The following SV2C variants were observed in gnomAD, a reference collection of about 807,000 sequenced individuals.
SV2C encodes synaptic vesicle glycoprotein 2C, also known as solute carrier family 22 member B3.
Under a neutral mutation model 79.7 loss-of-function variants are expected in SV2C, and 49 were observed. The ratio of observed to expected loss-of-function variants is 0.61; its 90% CI spans 0.49 to 0.78. The LOEUF is 0.78. Among genes scored for constraint, SV2C ranks in the 30% least tolerant of loss-of-function variants. The pLI is 0.00. For missense variants in SV2C, 833 were observed against 912.9 expected, an observed-to-expected ratio of 0.91 and a Z score of 1.13; for synonymous variants, 334 against 333.2, an observed-to-expected ratio of 1.00 and a Z score of -0.03.
intron 9 of SV2C, among the ~76,000 whole-genome samples, chr5:76,298,286 C>G (rs2112518460): frequency 6.6e-6 from 1 of 152,248 alleles, no homozygotes; most frequent in East Asian, 1.9e-4. Flanking sequence ...TTCTCATGCT[C>G]TCTCTTCAGG....
intron 12 of SV2C, among the ~76,000 whole-genome samples, chr5:76,309,735 TA>T (rs1208346119): frequency 6.6e-6 from 1 of 151,402 alleles, no homozygotes; most frequent in African/African-American, 2.4e-5. Flanking sequence ...GATTAGATGT[TA>T]GGGGGAAGAA....
At chr5:76,291,479 A>G in intron 7 of SV2C, 148 bp downstream of exon 7, 2 of 637,626 alleles carry the variant, frequency 3.1e-6, no homozygotes, top group Non-Finnish European at 2.7e-6. Context: ...AGGTAATTGG[A>G]TCCCACTCGA....
chr5:76,339,629 G>A (rs1222237638), intron 12 of SV2C, among the ~76,000 whole-genome samples: 1 of 151,764 alleles, frequency 6.6e-6, no homozygotes, highest in African/African-American at 2.4e-5. Flanking sequence ...CAGGAGAATG[G>A]CGTGAACCTG....
the SV2C span, among the ~76,000 whole-genome samples, chr5:75,976,727 A>T: frequency 1.3e-5 from 2 of 152,240 alleles, no homozygotes; most frequent in Non-Finnish European, 2.9e-5. Context: ...GAATAAAAAT[A>T]TCTATTAATA....
At chr5:76,116,570 A>C (rs1257310934) in intron 1 of SV2C, among the ~76,000 whole-genome samples, 1 of 152,124 alleles carries the variant, frequency 6.6e-6, no homozygotes, top group Non-Finnish European at 1.5e-5. Context: ...TCCCTCACAT[A>C]AGTTCCAGTG....
intron 1 of SV2C, among the ~76,000 whole-genome samples, chr5:76,099,365 CGTGT>C (rs10582798): frequency 0.2 from 29,161 of 148,460 alleles, 2,958 homozygotes; most frequent in East Asian, 0.42. Flanking sequence ...TTCTTTTGCT[CGTGT>C]GTGTGTGTGT....
chr5:76,126,157 T>C (rs1000586239), intron 1 of SV2C, among the ~76,000 whole-genome samples: 3 of 152,216 alleles, frequency 2.0e-5, no homozygotes, highest in African/African-American at 7.2e-5. Flanking sequence ...ATCACATGTA[T>C]TGGTGAGCAT....
At chr5:76,118,910 G>A (rs1211636239) in intron 1 of SV2C, among the ~76,000 whole-genome samples, 1 of 152,216 alleles carries the variant, frequency 6.6e-6, no homozygotes, top group Non-Finnish European at 1.5e-5. Context: ...TTGAACCCAG[G>A]AGGTAGAGGT....
chr5:75,865,473 C>A, the SV2C span, among the ~76,000 whole-genome samples: 2 of 152,172 alleles, frequency 1.3e-5, no homozygotes, highest in African/African-American at 2.4e-5. Context: ...AAAAGGACAT[C>A]AGTTGCATTA....
At chr5:76,016,324 ACTGTGCCCACTGC>A in the SV2C span, among the ~76,000 whole-genome samples, 2 of 146,040 alleles carry the variant, frequency 1.4e-5, no homozygotes, top group African/African-American at 5.1e-5. Flanking sequence ...ATTCCTGACC[ACTGTGCCCACTGC>A]GACATAACAA....
the SV2C span, among the ~76,000 whole-genome samples, chr5:75,906,166 A>G: frequency 6.6e-6 from 1 of 152,072 alleles, no homozygotes; most frequent in African/African-American, 2.4e-5. Flanking sequence ...GTGACAACCA[A>G]AAAAGGCTTC....
chr5:75,879,272 C>T, the SV2C span, among the ~76,000 whole-genome samples: 1 of 152,196 alleles, frequency 6.6e-6, no homozygotes, highest in African/African-American at 2.4e-5. Flanking sequence ...CTCTTCCCAA[C>T]TGTCCCCTAA....
At chr5:76,122,526 T>C (rs968427779) in intron 1 of SV2C, among the ~76,000 whole-genome samples, 3 of 152,352 alleles carry the variant, frequency 2.0e-5, no homozygotes, top group Admixed American at 6.5e-5. Flanking sequence ...ATAGCTCTTA[T>C]TATTTTGAGA....
the SV2C span, among the ~76,000 whole-genome samples, chr5:75,879,784 G>A: frequency 5.3e-5 from 8 of 152,330 alleles, no homozygotes; most frequent in Middle Eastern, 6.8e-3. Context: ...AGTGACTTCA[G>A]TTCCACATTT....
the SV2C span, among the ~76,000 whole-genome samples, chr5:75,898,737 A>C: frequency 6.6e-6 from 1 of 152,146 alleles, no homozygotes; most frequent in African/African-American, 2.4e-5. Context: ...TTATTGCCAC[A>C]ATTTCAGATC....
the SV2C span, among the ~76,000 whole-genome samples, chr5:76,006,394 A>G: frequency 2.0e-5 from 3 of 152,144 alleles, no homozygotes; most frequent in Admixed American, 6.6e-5. Context: ...GTTTTTGTTT[A>G]GGCAATGTAG....
At chr5:75,917,535 T>C in the SV2C span, among the ~76,000 whole-genome samples, 8 of 152,054 alleles carry the variant, frequency 5.3e-5, no homozygotes, top group Admixed American at 2.6e-4. Context: ...GAACTGGAGG[T>C]CATTATGTTA....
the SV2C span, among the ~76,000 whole-genome samples, chr5:75,956,023 T>G: frequency 6.8e-6 from 1 of 146,720 alleles, no homozygotes; most frequent in East Asian, 2.0e-4. Context: ...AAATACCATT[T>G]GACCCAGCCA....
At chr5:75,929,449 T>A in the SV2C span, among the ~76,000 whole-genome samples, 1 of 151,896 alleles carries the variant, frequency 6.6e-6, no homozygotes, top group African/African-American at 2.4e-5. Flanking sequence ...CTCTATGGCC[T>A]CTAGGAATGT....
Sources: gnomAD v4.1 joint callset for allele counts (sites outside exome capture counted in the v4.1 genomes callset) on GRCh38, gnomAD v4.1.1 for gene constraint, MANE v1.5 for transcripts, NCBI Gene and HGNC (gene_info 2026-07-23, HGNC 2026-07-21) for gene names.